The following GRB10 variants were observed in gnomAD, a reference collection of about 807,000 sequenced individuals.
GRB10 encodes growth factor receptor bound protein 10.
GRB10 carries 20 observed loss-of-function variants against 80.9 expected under a neutral mutation model. That is an observed-to-expected ratio of 0.25 (90% confidence interval 0.17 to 0.36). The LOEUF (loss-of-function observed/expected upper bound fraction) is 0.36, where lower values mean the gene tolerates loss of function less well. Ranked by LOEUF, GRB10 falls within the 10% of genes least tolerant of loss-of-function variation. GRB10 has a pLI of 1.00. For missense variants in GRB10, 548 were observed against 747.7 expected (o/e 0.73, Z 3.12); for synonymous variants, 291 against 291.5 (o/e 1.00, Z 0.02).
intron 6 of GRB10, among the ~76,000 whole-genome samples, chr7:50,672,751 G>A (rs1019613124): frequency 2.0e-5 from 3 of 152,128 alleles, no homozygotes; most frequent in Non-Finnish European, 2.9e-5. Context: ...GGGCACCTTC[G>A]CCATGCAACT....
intron 5 of GRB10, among the ~76,000 whole-genome samples, chr7:50,692,953 T>G (rs1253383694): frequency 6.6e-6 from 1 of 152,162 alleles, no homozygotes; most frequent in African/African-American, 2.4e-5. Context: ...CAGCCTCAGT[T>G]TTCCCATCTG....
intron 3 of GRB10, among the ~76,000 whole-genome samples, chr7:50,736,243 G>A (rs900932988): frequency 3.9e-5 from 6 of 152,176 alleles, no homozygotes; most frequent in African/African-American, 7.2e-5. Flanking sequence ...CCGAGATTGC[G>A]CCACTGCACT....
intron 5 of GRB10, among the ~76,000 whole-genome samples, chr7:50,685,613 C>A (rs916969312): frequency 1.3e-4 from 20 of 152,098 alleles, no homozygotes; most frequent in African/African-American, 4.8e-4. Context: ...TCATGACGCT[C>A]CCAGTTTATA....
Position 50,769,935 on chromosome 7 carries a change from C to G in GRB10, c.-217+10692G>C, listed in dbSNP as rs79841870. ...TTTTACAAACCTTCAGTCTTCCCCC[C>G]AGTAAAGGTGACCTGAGGATAGAAA... is the stretch of plus-strand genomic sequence containing the variant. On this transcript the variant is annotated intron_variant, in intron 2 of 18. Transcript: ENST00000401949. 1.2e-4 allele frequency among the ~76,000 whole-genome samples: 18 copies of G among 152,310 alleles called. No homozygotes were observed. The South Asian group carries it at 2.7e-3, about 23-fold the overall frequency.
chr7:50,602,747 CT>C (rs1418036268), intron 17 of GRB10, among the ~76,000 whole-genome samples: 2 of 152,080 alleles, frequency 1.3e-5, no homozygotes, highest in African/African-American at 4.8e-5. Context: ...CATGGATTAG[CT>C]TTTAGATGAT....
chr7:50,647,605 T>C (rs1353459313), intron 7 of GRB10, among the ~76,000 whole-genome samples: 1 of 152,228 alleles, frequency 6.6e-6, no homozygotes, highest in Non-Finnish European at 1.5e-5. Context: ...GATTGTTAGA[T>C]GGCAGAAGGC....
At chr7:50,760,085 C>T (rs775506543) in intron 2 of GRB10, among the ~76,000 whole-genome samples, 2 of 152,314 alleles carry the variant, frequency 1.3e-5, no homozygotes, top group South Asian at 2.1e-4. Flanking sequence ...AGCCAGAGAG[C>T]GTGCTTCCCT....
chr7:50,595,173 TCAGTACCCTTTCTGCTGCAA>T (rs2046414409), intron 18 of GRB10, among the ~76,000 whole-genome samples: 1 of 152,096 alleles, frequency 6.6e-6, no homozygotes, highest in African/African-American at 2.4e-5. Context: ...ATCCTCCCCA[TCAGTACCCTTTCTGCTGCAA>T]CCAAGAGCTC....
Position 50,648,122 on chromosome 7 carries a change from C to T in GRB10, c.505-21144G>A, listed in dbSNP as rs116392928. Among the ~76,000 whole-genome samples the T allele has an allele frequency of 2.7e-3, 414 of 152,102 alleles. 2 individuals carry two copies. The highest frequency in any genetic ancestry group is 9.5e-3 in the African/African-American group (394 of 41,480). On this transcript the variant is annotated intron_variant, in intron 7 of 18. Transcript: ENST00000401949. ...AGATGGAAAGCTGAGGGAATGGCCACGGCTGTCCAGGGAGGGAGCGCAGAG... is the reference window on the plus strand; with the variant it reads ...AGATGGAAAGCTGAGGGAATGGCCATGGCTGTCCAGGGAGGGAGCGCAGAG...
intron 1 of GRB10, chr7:50,792,842 GC>G (rs1422603530): frequency 6.6e-6 from 1 of 152,186 alleles, no homozygotes; most frequent in East Asian, 1.9e-4. Flanking sequence ...CTTGACCGCA[GC>G]CCCCGCCACA....
chr7:50,638,605 T>G (rs1336385589), intron 7 of GRB10, among the ~76,000 whole-genome samples: 3 of 152,260 alleles, frequency 2.0e-5, no homozygotes, highest in Admixed American at 6.5e-5. Flanking sequence ...GATGTTGACA[T>G]AAGTGTGGAG....
Position 50,627,843 on chromosome 7 carries a change from G to A in GRB10, c.505-865C>T, listed in dbSNP as rs116103347. On this transcript the variant is annotated intron_variant, in intron 7 of 18. Coordinates refer to ENST00000401949, the MANE Select transcript of GRB10 (RefSeq NM_001350814.2). ...GCCTCTTGCAAGGGAGCGTGTTTCC[G>A]TCTCTCCCCACTGTCCCAGGCTGGC... is the stretch of plus-strand genomic sequence containing the variant. Among the ~76,000 whole-genome samples, 643 of 152,332 alleles carry A rather than the reference G, an allele frequency of 4.2e-3. 5 individuals carry two copies. Among genetic ancestry groups the A allele is most frequent in the African/African-American group, 0.015 (609 of 41,578 alleles).
At chr7:50,673,474 T>G (rs1367335410) in intron 6 of GRB10, among the ~76,000 whole-genome samples, 1 of 151,938 alleles carries the variant, frequency 6.6e-6, no homozygotes, top group African/African-American at 2.4e-5. Flanking sequence ...CGAGACAAAA[T>G]CCAAGTCACC....
intron 7 of GRB10, among the ~76,000 whole-genome samples, chr7:50,669,065 C>T (rs1219662651): frequency 1.3e-5 from 2 of 152,176 alleles, no homozygotes; most frequent in Non-Finnish European, 2.9e-5. Flanking sequence ...TCCAGGTGCC[C>T]GGGTGAGCCC....
intron 5 of GRB10, among the ~76,000 whole-genome samples, chr7:50,692,291 C>T (rs1186001006): frequency 2.1e-5 from 3 of 145,854 alleles, no homozygotes; most frequent in Non-Finnish European, 4.5e-5. Flanking sequence ...CAACTGTGTA[C>T]ACACACACAC....
intron 7 of GRB10, among the ~76,000 whole-genome samples, chr7:50,629,089 A>G (rs2053525557): frequency 6.6e-6 from 1 of 152,130 alleles, no homozygotes; most frequent in Admixed American, 6.5e-5. Context: ...CTGCTACCCA[A>G]ATCAGGGTTC....
upstream of GRB10, among the ~76,000 whole-genome samples, chr7:50,785,291 CAGCTAAGCGA>C (rs1465604140): frequency 2.0e-5 from 3 of 152,236 alleles, no homozygotes; most frequent in Admixed American, 6.5e-5. Flanking sequence ...AGACCCCAGA[CAGCTAAGCGA>C]AGCCTCTAAG....
Position 50,714,046 on chromosome 7 carries a change from C to A in GRB10, c.52-10138G>T, listed in dbSNP as rs138234859. On this transcript the variant is annotated intron_variant, in intron 4 of 18. Coordinates refer to ENST00000401949, the MANE Select transcript of GRB10 (RefSeq NM_001350814.2). ...TCTATATCCTCCTCCCCCTCCACCA[C>A]CACCTCTACCATCACCTCTACCTCT... 3.9e-5 allele frequency among the ~76,000 whole-genome samples: 6 copies of A among 152,270 alleles called. No homozygotes were observed. In the East Asian group the frequency reaches 1.2e-3, roughly 29 times the overall value.
At chr7:50,671,615 T>G (rs2060358988) in intron 6 of GRB10, among the ~76,000 whole-genome samples, 1 of 152,238 alleles carries the variant, frequency 6.6e-6, no homozygotes, top group Non-Finnish European at 1.5e-5. Context: ...CCATAACAGC[T>G]TCAGCCTTGG....
Sources: gnomAD v4.1 joint callset for allele counts (sites outside exome capture counted in the v4.1 genomes callset) on GRCh38, gnomAD v4.1.1 for gene constraint, MANE v1.5 for transcripts, NCBI Gene and HGNC (gene_info 2026-07-23, HGNC 2026-07-21) for gene names.